PCNX1: variants seen among roughly 807,000 people sequenced by gnomAD.
PCNX1 encodes pecanex-like protein 1.
In PCNX1, 78 loss-of-function variants were observed where a neutral mutation model predicts 242.2. The ratio of observed to expected loss-of-function variants is 0.32; its 90% CI spans 0.27 to 0.39. The LOEUF is 0.39. Among genes scored for constraint, PCNX1 ranks in the 10% least tolerant of loss-of-function variants. PCNX1 has a pLI of 1.00. For synonymous variants in PCNX1, 1,024 were observed against 1,032.9 expected (o/e 0.99, Z 0.17); for missense variants, 2,581 against 2,856.5 (o/e 0.90, Z 2.20).
chr14:71,013,085 A>G lies in PCNX1; in HGVS notation c.2879A>G (p.Tyr960Cys). The G allele has an allele frequency of 6.2e-7, 1 of 1,614,096 alleles. No homozygotes were observed. Among genetic ancestry groups the G allele is most frequent in the African/African-American group, 1.3e-5 (1 of 75,044 alleles). ...IDLSPDLAAT[Y>C]GPTEEAAQKV... Reference sequence around the variant, plus strand: ...CTAAGCCCTGACTTGGCAGCTACTTACGGCCCAACAGAAGAAGCTGCCCAA... The same window carrying G: ...CTAAGCCCTGACTTGGCAGCTACTTGCGGCCCAACAGAAGAAGCTGCCCAA... The change falls in exon 11 of 36, where the codon TAC (tyrosine) becomes TGC (cysteine). Residue 960 changes from tyrosine (Y) to cysteine (C), a missense_variant. This residue lies in a region of PCNX1 where 1,204 missense variants were observed against 1,216.7 expected (regional missense o/e 0.99). Transcript: ENST00000304743.
chr14:71,045,228 C>T lies in PCNX1; in HGVS notation c.3963C>T (p.His1321=). Residue 1321 remains histidine (H), a synonymous_variant, in exon 20 of 36, where the codon CAC becomes CAT. Coordinates refer to ENST00000304743, the MANE Select transcript of PCNX1 (RefSeq NM_014982.3). ...LPQVRKQLPW[H]CFSHPLLKTL... Reference sequence around the variant, plus strand: ...AAGTTAGAAAACAGCTACCATGGCACTGTTTCTCTCATCCTCTGCTAAAGA... The same window carrying T: ...AAGTTAGAAAACAGCTACCATGGCATTGTTTCTCTCATCCTCTGCTAAAGA... The T allele has an allele frequency of 6.2e-7, 1 of 1,613,386 alleles. No homozygotes were observed. The highest frequency in any genetic ancestry group is 1.1e-5 in the South Asian group (1 of 91,052).
At chr14:70,968,637 C>G (rs2058451281) in intron 4 of PCNX1, among the ~76,000 whole-genome samples, 1 of 152,176 alleles carries the variant, frequency 6.6e-6, no homozygotes, top group South Asian at 2.1e-4. Flanking sequence ...TTGATCTATT[C>G]AGATAAATTC....
chr14:71,030,234 A>G (rs1169805739), intron 16 of PCNX1, among the ~76,000 whole-genome samples: 2 of 152,074 alleles, frequency 1.3e-5, no homozygotes, highest in East Asian at 1.9e-4. Flanking sequence ...TTTGGCATTT[A>G]CCTGTATAGA....
At chr14:71,075,630 C>T (rs2141460252) in intron 27 of PCNX1, among the ~76,000 whole-genome samples, 1 of 152,264 alleles carries the variant, frequency 6.6e-6, no homozygotes, top group African/African-American at 2.4e-5. Flanking sequence ...GGCGCAGTGG[C>T]TGATACCTGC....
At chr14:70,970,943 C>T (rs531203476) in intron 5 of PCNX1, among the ~76,000 whole-genome samples, 57 of 152,186 alleles carry the variant, frequency 3.7e-4, no homozygotes, top group Non-Finnish European at 6.2e-4. Context: ...TCACTATAAA[C>T]GTTTGAAGTT....
At chr14:70,952,037 A>G (rs1216995787) in intron 2 of PCNX1, among the ~76,000 whole-genome samples, 4 of 152,208 alleles carry the variant, frequency 2.6e-5, no homozygotes, top group Non-Finnish European at 5.9e-5. Flanking sequence ...TAATTGTAAG[A>G]CATTGGAGAA....
intron 1 of PCNX1, 75 bp downstream of exon 1, chr14:70,908,078 C>T (rs1038248810): frequency 2.9e-6 from 4 of 1,393,586 alleles, no homozygotes; most frequent in East Asian, 2.9e-5. Flanking sequence ...GCGCCCTCTT[C>T]CTCTTCCACG....
chr14:71,029,584 A>G (rs1328213558), intron 16 of PCNX1, among the ~76,000 whole-genome samples: 3 of 152,250 alleles, frequency 2.0e-5, no homozygotes, highest in Non-Finnish European at 4.4e-5. Context: ...AAGGTTATGA[A>G]AACAGTTCTG....
intron 8 of PCNX1, among the ~76,000 whole-genome samples, chr14:71,008,338 C>A (rs771115547): frequency 1.3e-5 from 2 of 152,034 alleles, no homozygotes; most frequent in African/African-American, 2.4e-5. Flanking sequence ...TTTAGCCTTA[C>A]CATCAAGTCA....
intron 7 of PCNX1, 93 bp downstream of exon 7, chr14:70,988,792 G>A: frequency 2.8e-6 from 4 of 1,421,086 alleles, no homozygotes; most frequent in Non-Finnish European, 3.8e-6. Context: ...GAAGAGCTTT[G>A]TTTTTCTTTT....
intron 1 of PCNX1, among the ~76,000 whole-genome samples, chr14:70,927,800 C>T (rs1275467995): frequency 6.6e-6 from 1 of 152,006 alleles, no homozygotes; most frequent in Non-Finnish European, 1.5e-5. Context: ...GTTGGCCAGA[C>T]TGGTCTCAAA....
At chr14:71,089,482 C>T in intron 30 of PCNX1, 140 bp downstream of exon 30, 1 of 626,694 alleles carries the variant, frequency 1.6e-6, no homozygotes, top group Admixed American at 3.3e-5. Flanking sequence ...GTTTAATTGA[C>T]TCACAGTTCC....
Position 71,036,056 on chromosome 14 carries a change from T to TC in PCNX1, c.3775-5dup, listed in dbSNP as rs2060523338. 5 of 1,531,420 alleles carry TC rather than the reference T, an allele frequency of 3.3e-6. No homozygotes were observed. The highest frequency in any genetic ancestry group is 1.4e-5 in the African/African-American group (1 of 72,562). The allele number at this position is 1,531,420 out of a possible 1,614,324, so 94.9% of individuals were successfully genotyped here. On this transcript the variant is annotated splice_polypyrimidine_tract_variant and intron_variant, in intron 18 of 35. Coordinates refer to ENST00000304743, the MANE Select transcript of PCNX1 (RefSeq NM_014982.3). ...GTAATTGTTTAATAATTCTTTTTTT[T>TC]CCCCACAGAGTGAGCGATTACAGTC... is the stretch of plus-strand genomic sequence containing the variant.
In PCNX1 at chr14:71,045,240, T is replaced by A; in HGVS notation, c.3975T>A (p.His1325Gln). ...AGCTACCATGGCACTGTTTCTCTCA[T>A]CCTCTGCTAAAGACACTAGAGTATA... ...RKQLPWHCFS[H>Q]PLLKTLEYNQ... The change falls in exon 20 of 36, where the codon CAT becomes CAA. Residue 1325 changes from histidine (H) to glutamine (Q), a missense_variant. His to Gln is a conservative substitution (Grantham distance 24). Coordinates refer to ENST00000304743, the MANE Select transcript of PCNX1 (RefSeq NM_014982.3). 6.2e-7 allele frequency: 1 copy of A among 1,613,430 alleles called. No individual in the cohort carries two copies. Among genetic ancestry groups the A allele is most frequent in the Non-Finnish European group, 8.5e-7 (1 of 1,179,462 alleles).
intron 22 of PCNX1, among the ~76,000 whole-genome samples, chr14:71,049,523 T>C (rs1317613348): frequency 2.0e-5 from 3 of 152,196 alleles, no homozygotes; most frequent in Admixed American, 1.3e-4. Context: ...TCTTTAATAT[T>C]ATAGTCAAAA....
At chr14:70,956,235 C>T (rs1453626371) in intron 2 of PCNX1, among the ~76,000 whole-genome samples, 1 of 152,050 alleles carries the variant, frequency 6.6e-6, no homozygotes. Flanking sequence ...TGGTGTAAGG[C>T]AGTATGTTTT....
At chr14:70,983,226 G>T (rs965604271) in intron 6 of PCNX1, among the ~76,000 whole-genome samples, 3 of 152,168 alleles carry the variant, frequency 2.0e-5, no homozygotes, top group Admixed American at 6.5e-5. Flanking sequence ...TAATACTTAA[G>T]CTATATTTGT....
At chr14:70,966,985 G>A (rs1733744449) in intron 3 of PCNX1, among the ~76,000 whole-genome samples, 1 of 152,164 alleles carries the variant, frequency 6.6e-6, no homozygotes, top group African/African-American at 2.4e-5. Context: ...AAAACTAGAA[G>A]AACCAAGCTT....
chr14:71,008,472 C>T (rs919690064), intron 8 of PCNX1, among the ~76,000 whole-genome samples: 8 of 151,676 alleles, frequency 5.3e-5, no homozygotes, highest in African/African-American at 1.2e-4. Context: ...CTGGCTAACA[C>T]GGTGAAAACC....
Sources: allele counts gnomAD v4.1 joint callset (sites outside exome capture counted in the v4.1 genomes callset), GRCh38; gene constraint gnomAD v4.1.1; regional missense constraint gnomAD v4.1.1; transcripts MANE v1.5; gene names NCBI Gene and HGNC (gene_info 2026-07-23, HGNC 2026-07-21).